Variants in ATAD2B observed in about 807,000 individuals in gnomAD.
ATAD2B encodes ATPase family AAA domain containing 2B.
In ATAD2B, 40 loss-of-function variants were observed where a neutral mutation model predicts 167.6. The ratio of observed to expected loss-of-function variants is 0.24; its 90% confidence interval spans 0.19 to 0.31. ATAD2B has a LOEUF of 0.31. Ranked by LOEUF, ATAD2B falls within the 10% of genes least tolerant of loss-of-function variation. The pLI is 1.00. For missense variants in ATAD2B, 1,242 were observed against 1,757.2 expected (o/e 0.71, Z 5.24); for synonymous variants, 579 against 596.5 (o/e 0.97, Z 0.43).
At chr2:23,771,052 G>C (rs553301987) in intron 22 of ATAD2B, among the ~76,000 whole-genome samples, 1 of 152,160 alleles carries the variant, frequency 6.6e-6, no homozygotes, top group East Asian at 1.9e-4. Context: ...CATGCCTTTT[G>C]TCAGATTTAT....
intron 8 of ATAD2B, chr2:23,872,771 G>C: frequency 1.1e-6 from 1 of 940,822 alleles, no homozygotes. Context: ...CCTCACTACA[G>C]GCAACCACAT....
the ATAD2B span, among the ~76,000 whole-genome samples, chr2:23,733,414 C>CT: frequency 3.3e-5 from 5 of 152,324 alleles, no homozygotes; most frequent in South Asian, 1.0e-3. Context: ...CACCCTCTAC[C>CT]TGCTGCTTAA....
In ATAD2B at chr2:23,880,771, C is replaced by T; in HGVS notation, c.785-16G>A. 6.9e-7 allele frequency: 1 copy of T among 1,457,612 alleles called. No homozygotes were observed. The allele number at this position is 1,457,612 out of a possible 1,614,324, so 90.3% of individuals were successfully genotyped here. On this transcript the variant is annotated splice_polypyrimidine_tract_variant and intron_variant, in intron 6 of 27. Coordinates refer to ENST00000238789, the MANE Select transcript of ATAD2B (RefSeq NM_017552.4). ...TCTTGAGATTCTAGTTTCCCACACA[C>T]AAAAAGAAAAGAAAAAGGCATTATT... is the stretch of plus-strand genomic sequence containing the variant.
the ATAD2B span, chr2:23,696,980 A>C: frequency 6.2e-6 from 1 of 162,090 alleles, no homozygotes; most frequent in African/African-American, 2.4e-5. The surrounding 1 kb of genome is among the most constrained non-coding windows in gnomAD (Gnocchi z 5.5). Flanking sequence ...GGGGGGTCCC[A>C]CACCAGGGAG....
chr2:23,778,091 TG>T (rs1164371197), intron 22 of ATAD2B, among the ~76,000 whole-genome samples: 4 of 152,040 alleles, frequency 2.6e-5, no homozygotes, highest in African/African-American at 9.7e-5. Context: ...ACCCTGAGGA[TG>T]TTTTTCTGGA....
At chr2:23,801,311 A>T (rs1683463898) in intron 18 of ATAD2B, among the ~76,000 whole-genome samples, 1 of 152,136 alleles carries the variant, frequency 6.6e-6, no homozygotes, top group Non-Finnish European at 1.5e-5. Flanking sequence ...TAACTTTTAA[A>T]GTGTGGAGTA....
At chr2:23,870,242 G>T (rs1473764689) in intron 8 of ATAD2B, among the ~76,000 whole-genome samples, 2 of 139,932 alleles carry the variant, frequency 1.4e-5, no homozygotes, top group African/African-American at 5.2e-5. Flanking sequence ...AAAGCCTAAA[G>T]TTTTTTTTAA....
chr2:23,722,977 AAAAC>A, the ATAD2B span, among the ~76,000 whole-genome samples: 1 of 152,188 alleles, frequency 6.6e-6, no homozygotes, highest in Non-Finnish European at 1.5e-5. Context: ...TAACAGGAAA[AAAAC>A]AAACCATCTG....
At chr2:23,898,067 C>A (rs1700356086) in intron 1 of ATAD2B, among the ~76,000 whole-genome samples, 1 of 152,200 alleles carries the variant, frequency 6.6e-6, no homozygotes, top group Non-Finnish European at 1.5e-5. Flanking sequence ...GCTTCAGCCT[C>A]CCAAGTAGCT....
the ATAD2B span, among the ~76,000 whole-genome samples, chr2:23,715,088 C>A: frequency 6.6e-6 from 1 of 152,180 alleles, no homozygotes; most frequent in Non-Finnish European, 1.5e-5. Context: ...AACCAACCCA[C>A]ACATCCAATG....
chr2:23,860,335 A>C (rs1694153994), intron 12 of ATAD2B, among the ~76,000 whole-genome samples: 1 of 152,158 alleles, frequency 6.6e-6, no homozygotes, highest in Non-Finnish European at 1.5e-5. Context: ...CAGAATCTTA[A>C]AATTTCTTTT....
chr2:23,924,706 A>C (rs961739275), intron 1 of ATAD2B, among the ~76,000 whole-genome samples: 1 of 152,206 alleles, frequency 6.6e-6, no homozygotes, highest in Non-Finnish European at 1.5e-5. Context: ...TGGTGCTTTA[A>C]AACATTTTAA....
At chr2:23,842,061 T>A (rs952715453) in intron 13 of ATAD2B, among the ~76,000 whole-genome samples, 1 of 152,216 alleles carries the variant, frequency 6.6e-6, no homozygotes, top group Non-Finnish European at 1.5e-5. Flanking sequence ...TTTTTGCCAA[T>A]CTGACAATCT....
At chr2:23,678,474 T>C in the ATAD2B span, among the ~76,000 whole-genome samples, 10 of 152,184 alleles carry the variant, frequency 6.6e-5, no homozygotes, top group Non-Finnish European at 1.5e-4. Flanking sequence ...TGTTGGAGCA[T>C]GAGAGACCAC....
the ATAD2B span, chr2:23,706,812 T>C: frequency 6.9e-6 from 4 of 576,198 alleles, no homozygotes; most frequent in East Asian, 1.3e-4. Flanking sequence ...TTCTCTACAT[T>C]GAATGTAGAA....
intron 1 of ATAD2B, among the ~76,000 whole-genome samples, chr2:23,898,518 G>A (rs1700402896): frequency 6.6e-6 from 1 of 152,164 alleles, no homozygotes; most frequent in Non-Finnish European, 1.5e-5. Context: ...GATGTCATAT[G>A]TCTTCCTAAA....
intron 12 of ATAD2B, among the ~76,000 whole-genome samples, chr2:23,861,299 CA>C (rs1219833817): frequency 6.6e-6 from 1 of 150,384 alleles, no homozygotes; most frequent in African/African-American, 2.4e-5. Flanking sequence ...TACCATTGCA[CA>C]AAAAAGGCTA....
In ATAD2B at chr2:23,885,755, C is replaced by A; in HGVS notation, c.647G>T (p.Arg216Leu). ...TTCTGTATCTGTCCACATTCGAAGTCGTTCTACTTCTCCTGATCGACGATT... is the reference window on the plus strand; with the variant it reads ...TTCTGTATCTGTCCACATTCGAAGTAGTTCTACTTCTCCTGATCGACGATT... ...RRNRRSGEVE[R>L]LRMWTDTEFE... Residue 216 changes from arginine (R) to leucine (L), a missense_variant, in exon 5 of 28, where the codon CGA (arginine) becomes CTA (leucine). Around this residue, in one of 9 missense-constraint regions of ATAD2B, gnomAD observed 99 missense variants for 160.4 expected, o/e 0.62. Transcript: ENST00000238789. 1 of 1,597,664 alleles carries A rather than the reference C, an allele frequency of 6.3e-7. No homozygotes were observed. Among genetic ancestry groups the A allele is most frequent in the South Asian group, 1.1e-5 (1 of 88,460 alleles).
chr2:23,700,176 A>G, the ATAD2B span, among the ~76,000 whole-genome samples: 1 of 152,170 alleles, frequency 6.6e-6, no homozygotes, highest in East Asian at 1.9e-4. The surrounding 1 kb of genome is among the most constrained non-coding windows in gnomAD (Gnocchi z 4.6). Context: ...ACTCCTTCCT[A>G]TTTTAGCATG....
Sources: gnomAD v4.1 joint callset for allele counts (sites outside exome capture counted in the v4.1 genomes callset) on GRCh38, gnomAD v4.1.1 for gene constraint, gnomAD v4.1.1 regional missense constraint, Gnocchi (gnomAD v3.1) non-coding constraint, MANE v1.5 for transcripts, NCBI Gene and HGNC (gene_info 2026-07-23, HGNC 2026-07-21) for gene names.